MAST4: variants seen among roughly 807,000 people sequenced by gnomAD.
MAST4 encodes the protein microtubule-associated serine/threonine-protein kinase 4.
A neutral mutation model predicts 162.7 loss-of-function variants in MAST4; 89 were observed. The observed-to-expected ratio is 0.55, with a 90% confidence interval of 0.46 to 0.65. The LOEUF is 0.65. MAST4 is among the 30% of genes least tolerant of loss of function. The pLI is 0.00. For synonymous variants in MAST4, 1,479 were observed against 1,361.1 expected (o/e 1.09, Z -1.91); for missense variants, 3,153 against 3,374.0 (o/e 0.93, Z 1.62).
intron 4 of MAST4, among the ~76,000 whole-genome samples, chr5:66,920,449 ATAAC>A (rs1764457429): frequency 6.6e-6 from 1 of 152,242 alleles, no homozygotes; most frequent in Non-Finnish European, 1.5e-5. Context: ...AAATCAATAA[ATAAC>A]AGGTATCATA....
intron 4 of MAST4, among the ~76,000 whole-genome samples, chr5:66,909,121 C>G (rs968877698): frequency 1.3e-5 from 2 of 152,116 alleles, no homozygotes; most frequent in African/African-American, 4.8e-5. Flanking sequence ...AAAGCCAGAT[C>G]ATTGGAGTAG....
At chr5:67,140,801 A>G (rs1770287396) in intron 19 of MAST4, among the ~76,000 whole-genome samples, 1 of 152,236 alleles carries the variant, frequency 6.6e-6, no homozygotes, top group African/African-American at 2.4e-5. Context: ...GCCCTCAGTC[A>G]TAGCTGCTCA....
chr5:67,079,731 G>T (rs776365238), intron 5 of MAST4, among the ~76,000 whole-genome samples: 1 of 152,184 alleles, frequency 6.6e-6, no homozygotes, highest in Non-Finnish European at 1.5e-5. Context: ...CTGCCTCAAA[G>T]CCTCCTTTCC....
chr5:66,768,286 TGAA>T (rs1460355727), intron 2 of MAST4, among the ~76,000 whole-genome samples: 4 of 152,130 alleles, frequency 2.6e-5, no homozygotes. Flanking sequence ...AGACAACAGC[TGAA>T]GAAGGTGTTT....
intron 16 of MAST4, among the ~76,000 whole-genome samples, chr5:67,132,726 C>T (rs1350066050): frequency 1.3e-5 from 2 of 151,870 alleles, no homozygotes; most frequent in African/African-American, 2.4e-5. Context: ...AAAAGCATTA[C>T]ATATTAATAT....
At chr5:66,642,243 A>G (rs946368317) in intron 1 of MAST4, among the ~76,000 whole-genome samples, 2 of 152,232 alleles carry the variant, frequency 1.3e-5, no homozygotes, top group African/African-American at 4.8e-5. Context: ...TAATGGTACC[A>G]TGTGGATGCA....
Position 67,049,117 on chromosome 5 carries a change from C to T in MAST4, c.675-5287C>T, listed in dbSNP as rs71626485. ...AAGAATGAATGGGCAAGCTGCAAGC[C>T]CCAGTTCTTTCAGTAGTTGCCTTTT... On this transcript the variant is annotated intron_variant, in intron 4 of 28. Transcript: ENST00000403625. Among the ~76,000 whole-genome samples, 751 of 144,442 alleles carry T rather than the reference C, an allele frequency of 5.2e-3. 3 individuals are homozygous for T. Among genetic ancestry groups the T allele is most frequent in the Non-Finnish European group, 9.0e-3 (597 of 66,652 alleles). 94.8% of individuals were successfully genotyped at this position (144,442 alleles called of 152,430 possible). A position where few individuals can be genotyped will look rare whatever the true frequency, so the allele number is the denominator to read the frequency against.
chr5:66,645,150 C>A (rs13174299), intron 1 of MAST4, among the ~76,000 whole-genome samples: 86,431 of 151,850 alleles, frequency 0.57, 24,956 homozygotes, highest in South Asian at 0.67. Context: ...TGTGCCCAGG[C>A]AAGATTAGAA....
intron 14 of MAST4, among the ~76,000 whole-genome samples, chr5:67,125,573 G>A (rs147729901): frequency 0.016 from 2,388 of 152,192 alleles, 37 homozygotes; most frequent in South Asian, 0.03. Context: ...CCCTGTAAAG[G>A]ACGTGAACTC....
chr5:67,120,910 T>C, intron 13 of MAST4, 107 bp from the exon 14 acceptor site: 1 of 797,128 alleles, frequency 1.3e-6, no homozygotes, highest in South Asian at 1.7e-5. Flanking sequence ...AATACTGTAC[T>C]TCAACATATT....
chr5:67,166,803 G>A lies in MAST4; in HGVS notation c.7624G>A (p.Gly2542Ser), dbSNP rs1392124145. The A allele has an allele frequency of 6.2e-7, 1 of 1,603,558 alleles. No homozygotes were observed. Among genetic ancestry groups the A allele is most frequent in the Non-Finnish European group, 8.5e-7 (1 of 1,175,728 alleles). ...ACACCACCCCGACCCAAACACCATG[G>A]GCGGGGCCAGCCACCGGGACAGGGC... The part of the protein sequence containing the change: ...ESHHPDPNTM[G>S]GASHRDRALS... The change falls in exon 29 of 29, where the codon GGC (glycine) becomes AGC (serine). Residue 2542 changes from glycine (G) to serine (S), a missense_variant. This residue lies in a region of MAST4 where 1,644 missense variants were observed against 1,495.0 expected (regional missense o/e 1.10). Transcript: ENST00000403625.
At chr5:67,080,584 G>A (rs1017240499) in intron 5 of MAST4, among the ~76,000 whole-genome samples, 14 of 152,122 alleles carry the variant, frequency 9.2e-5, no homozygotes, top group Admixed American at 2.0e-4. Flanking sequence ...TGAAAGGACC[G>A]GAAAGGCCAT....
At position 66,698,013 on chromosome 5, in the gene MAST4, C is replaced by T. The variant is rs547174888; in HGVS notation, c.364-61696C>T. Among the ~76,000 whole-genome samples, 8 of 149,972 alleles carry T rather than the reference C, an allele frequency of 5.3e-5. 1 individual carries two copies. The South Asian group carries it at 6.5e-4, about 12-fold the overall frequency. On this transcript the variant is annotated intron_variant, in intron 1 of 28. Transcript: ENST00000403625. ...AACCACCACTTTCTGTCCTTCCACT[C>T]GTGTGTACTTCATTTCTCCTTGGGA...
intron 3 of MAST4, among the ~76,000 whole-genome samples, chr5:66,889,482 C>A (rs1580778170): frequency 1.3e-5 from 2 of 152,290 alleles, no homozygotes; most frequent in Admixed American, 1.3e-4. Context: ...GGTGTTTGAT[C>A]TCCTTCTGCT....
intron 4 of MAST4, among the ~76,000 whole-genome samples, chr5:67,042,559 A>G (rs1220485231): frequency 1.3e-5 from 2 of 150,924 alleles, no homozygotes; most frequent in East Asian, 1.9e-4. Flanking sequence ...AAGGTGGGCT[A>G]TTCTTCGCTC....
intron 1 of MAST4, among the ~76,000 whole-genome samples, chr5:66,604,138 G>C (rs1166724624): frequency 6.6e-6 from 1 of 152,128 alleles, no homozygotes; most frequent in Non-Finnish European, 1.5e-5. Context: ...GTGGTCCTTG[G>C]TACAGACACA....
chr5:66,698,690 C>T (rs1749569594), intron 1 of MAST4, among the ~76,000 whole-genome samples: 1 of 152,172 alleles, frequency 6.6e-6, no homozygotes, highest in Admixed American at 6.5e-5. Flanking sequence ...GGCATCTCCA[C>T]TTGGATATCT....
intron 4 of MAST4, among the ~76,000 whole-genome samples, chr5:66,911,571 C>A (rs906360752): frequency 2.4e-5 from 2 of 84,740 alleles, no homozygotes; most frequent in Non-Finnish European, 5.1e-5. Flanking sequence ...CCCCCCCCCC[C>A]CCCCGCAAAA....
chr5:66,609,742 G>A (rs1217566859), intron 1 of MAST4, among the ~76,000 whole-genome samples: 62 of 145,478 alleles, frequency 4.3e-4, no homozygotes, highest in Non-Finnish European at 6.9e-4. Context: ...AACAAAGGCA[G>A]ACAGTTCTCA....
Sources: allele counts gnomAD v4.1 joint callset (sites outside exome capture counted in the v4.1 genomes callset), GRCh38; gene constraint gnomAD v4.1.1; regional missense constraint gnomAD v4.1.1; transcripts MANE v1.5; gene names NCBI Gene and HGNC (gene_info 2026-07-23, HGNC 2026-07-21).